The following EPHX1 variants were observed in gnomAD, a reference collection of about 807,000 sequenced individuals.
The protein encoded by EPHX1 is epoxide hydratase.
EPHX1 carries 40 observed loss-of-function variants against 43.2 expected under a neutral mutation model. That is an observed-to-expected ratio of 0.93 (90% CI 0.72 to 1.21). The LOEUF is 1.21. Among genes scored for constraint, EPHX1 ranks in the 50% most tolerant of loss-of-function variants. EPHX1 has a pLI of 0.00. For synonymous variants in EPHX1, 221 were observed against 226.7 expected (o/e 0.98, Z 0.22); for missense variants, 550 against 570.4 (o/e 0.96, Z 0.36).
chr1:225,810,249 G>C (rs899516244), intron 1 of EPHX1, 80 bp downstream of exon 1: 1 of 151,316 alleles, frequency 6.6e-6, no homozygotes, highest in African/African-American at 2.4e-5. Context: ...GGCCGCCGGG[G>C]TGGGCGGCGG....
chr1:225,828,612 C>G (rs551420461), intron 1 of EPHX1, 113 bp from the exon 2 acceptor site: 309 of 853,926 alleles, frequency 3.6e-4, no homozygotes, highest in African/African-American at 3.4e-3. Flanking sequence ...TAAATAAAAT[C>G]AGGGACAGGG....
At chr1:225,843,660 C>A (rs1668631663) in intron 7 of EPHX1, among the ~76,000 whole-genome samples, 1 of 152,200 alleles carries the variant, frequency 6.6e-6, no homozygotes, top group Admixed American at 6.5e-5. Context: ...AGCACCAAAT[C>A]CCTGAGCAGG....
chr1:225,821,565 C>CTTTTTTTTTTTT (rs869228485), intron 1 of EPHX1, among the ~76,000 whole-genome samples: 12 of 69,864 alleles, frequency 1.7e-4, no homozygotes, highest in Non-Finnish European at 2.3e-4. Context: ...TTTTTTGGTT[C>CTTTTTTTTTTTT]TTTTTTTTTT....
chr1:225,827,302 AT>A (rs1667295481), intron 1 of EPHX1, among the ~76,000 whole-genome samples: 1 of 152,086 alleles, frequency 6.6e-6, no homozygotes, highest in Non-Finnish European at 1.5e-5. Context: ...TCAGAACTCG[AT>A]GCTTTCTCCT....
intron 1 of EPHX1, chr1:225,825,642 G>C (rs1667194674): frequency 6.6e-6 from 1 of 152,252 alleles, no homozygotes; most frequent in Admixed American, 6.5e-5. Context: ...CATGCAAAAT[G>C]TGTCTTACTA....
intron 1 of EPHX1, among the ~76,000 whole-genome samples, chr1:225,814,625 G>T (rs1301945179): frequency 6.6e-6 from 1 of 152,228 alleles, no homozygotes; most frequent in Admixed American, 6.5e-5. Flanking sequence ...GTGACCGGGA[G>T]CAGGAGGTCT....
At chr1:225,819,378 G>C (rs1666881849) in intron 1 of EPHX1, among the ~76,000 whole-genome samples, 1 of 151,984 alleles carries the variant, frequency 6.6e-6, no homozygotes, top group African/African-American at 2.4e-5. Context: ...CTCCAGCCTG[G>C]GGACAGAGAG....
At chr1:225,838,966 G>C in intron 4 of EPHX1, 85 bp downstream of exon 4, 1 of 1,509,342 alleles carries the variant, frequency 6.6e-7, no homozygotes, top group Admixed American at 1.7e-5. Flanking sequence ...CTTCCGGCGG[G>C]GTGAGCAGGG....
chr1:225,831,156 AG>A (rs1443590340), intron 2 of EPHX1, among the ~76,000 whole-genome samples: 1 of 152,226 alleles, frequency 6.6e-6, no homozygotes, highest in East Asian at 1.9e-4. Context: ...TGCAAAGCCT[AG>A]AATATTTACT....
At chr1:225,824,151 G>GC (rs1411155444) in intron 1 of EPHX1, among the ~76,000 whole-genome samples, 4 of 152,146 alleles carry the variant, frequency 2.6e-5, no homozygotes, top group South Asian at 4.1e-4. Context: ...CACCCCCGCC[G>GC]CCCCCGCAGT....
intron 1 of EPHX1, among the ~76,000 whole-genome samples, chr1:225,818,764 C>T (rs1362441281): frequency 6.6e-6 from 1 of 151,864 alleles, no homozygotes; most frequent in African/African-American, 2.4e-5. Context: ...TTAAGGGTTT[C>T]GCAGGGGATG....
intron 1 of EPHX1, among the ~76,000 whole-genome samples, chr1:225,818,965 C>T (rs375260593): frequency 6.7e-6 from 1 of 148,340 alleles, no homozygotes; most frequent in Non-Finnish European, 1.5e-5. Context: ...TGGTGGCTCA[C>T]GCCTGTAATC....
At chr1:225,839,116 T>C in intron 4 of EPHX1, 101 bp from the exon 5 acceptor site, 1 of 1,582,316 alleles carries the variant, frequency 6.3e-7, no homozygotes, top group Non-Finnish European at 8.6e-7. Flanking sequence ...GACCTCCACC[T>C]GGGGGTAGGC....
chr1:225,818,957 G>A (rs932509506), intron 1 of EPHX1, among the ~76,000 whole-genome samples: 7 of 150,628 alleles, frequency 4.6e-5, no homozygotes, highest in Admixed American at 4.0e-4. Context: ...GGTTTGTATG[G>A]TGGCTCACGC....
At chr1:225,816,324 CTT>C (rs1666723976) in intron 1 of EPHX1, among the ~76,000 whole-genome samples, 1 of 150,600 alleles carries the variant, frequency 6.6e-6, no homozygotes, top group South Asian at 2.1e-4. Flanking sequence ...GTTATTCTAA[CTT>C]TTTTTAATTT....
chr1:225,815,411 C>CTTTTTT (rs5781415), intron 1 of EPHX1, among the ~76,000 whole-genome samples: 6 of 78,210 alleles, frequency 7.7e-5, no homozygotes, highest in Non-Finnish European at 1.5e-4. Context: ...AGCTAATTTT[C>CTTTTTT]TTTTTTTTTT....
rs891812289 is a variant in EPHX1, at chr1:225,845,414, T to C, written c.*67T>C. 10 of 1,485,588 alleles carry C rather than the reference T, an allele frequency of 6.7e-6. No individual in the cohort carries two copies. The highest frequency in any genetic ancestry group is 2.9e-5 in the African/African-American group (2 of 70,156). 92.0% of individuals were successfully genotyped at this position (1,485,588 alleles called of 1,614,324 possible). A position where few individuals can be genotyped will look rare whatever the true frequency, so the allele number is the denominator to read the frequency against. ...CCCTCCAGGCTTTTCTTGGGGAAGATACCCCTTTTCTGAGGAATGAGTTTG... is the reference window on the plus strand; with the variant it reads ...CCCTCCAGGCTTTTCTTGGGGAAGACACCCCTTTTCTGAGGAATGAGTTTG... On this transcript the variant is annotated 3_prime_UTR_variant, in exon 9 of 9. Transcript: ENST00000272167.
At position 225,840,051 on chromosome 1, in the gene EPHX1, G is replaced by A. The variant is rs1668270245; in HGVS notation, c.931+14G>A. On this transcript the variant is annotated intron_variant, in intron 6 of 8. Transcript: ENST00000272167. Reference sequence around the variant, plus strand: ...CTGACACCGTAGGTGAGTGTGCTCAGGGGTCCTCGCCCACTGCCGGCTCCA... The same window carrying A: ...CTGACACCGTAGGTGAGTGTGCTCAAGGGTCCTCGCCCACTGCCGGCTCCA... The A allele has an allele frequency of 1.2e-6, 2 of 1,613,478 alleles. No homozygotes were observed. The highest frequency in any genetic ancestry group is 1.7e-6 in the Non-Finnish European group (2 of 1,179,826).
intron 3 of EPHX1, 193 bp downstream of exon 3, chr1:225,832,152 C>A: frequency 1.5e-6 from 1 of 657,452 alleles, no homozygotes; most frequent in Non-Finnish European, 2.7e-6. Context: ...ATCTTTAGAG[C>A]TAGGCAGGAA....
Sources: allele counts gnomAD v4.1 joint callset (sites outside exome capture counted in the v4.1 genomes callset), GRCh38; gene constraint gnomAD v4.1.1; transcripts MANE v1.5; gene names NCBI Gene and HGNC (gene_info 2026-07-23, HGNC 2026-07-21).